The following SGCD variants were observed in gnomAD, a reference collection of about 807,000 sequenced individuals.
The protein encoded by SGCD is delta-sarcoglycan.
Under a neutral mutation model 36.6 loss-of-function variants are expected in SGCD, and 18 were observed. That is an observed-to-expected ratio of 0.49 (90% CI 0.34 to 0.73). The LOEUF (loss-of-function observed/expected upper bound fraction) is 0.73, where lower values mean the gene tolerates loss of function less well. SGCD is among the 30% of genes least tolerant of loss of function. The probability of loss-of-function intolerance (pLI) is 0.01; values close to 1 mark genes in which losing one functional copy is unlikely to be tolerated. For synonymous variants in SGCD, 133 were observed against 130.6 expected (o/e 1.02, Z -0.12); for missense variants, 387 against 346.7 (o/e 1.12, Z -0.92).
intron 1 of SGCD, among the ~76,000 whole-genome samples, chr5:155,873,746 C>T (rs1755706927): frequency 6.6e-6 from 1 of 152,034 alleles, no homozygotes; most frequent in East Asian, 1.9e-4. Flanking sequence ...AAGAGGATAT[C>T]TCTCAAAAAG....
chr5:155,871,176 G>A (rs1032689148), intron 1 of SGCD, among the ~76,000 whole-genome samples: 1 of 152,058 alleles, frequency 6.6e-6, no homozygotes, highest in Non-Finnish European at 1.5e-5. Context: ...TGCTAATCAA[G>A]GTGATATAAC....
chr5:156,449,590 G>T (rs747841195), intron 3 of SGCD, among the ~76,000 whole-genome samples: 1 of 150,974 alleles, frequency 6.6e-6, no homozygotes, highest in Non-Finnish European at 1.5e-5. Context: ...CCAGTACTTT[G>T]GGTGGCGGAA....
At chr5:156,399,804 GAGA>G (rs1036677719) in intron 3 of SGCD, among the ~76,000 whole-genome samples, 3 of 152,138 alleles carry the variant, frequency 2.0e-5, no homozygotes, top group East Asian at 3.9e-4. Context: ...GTACATCCTA[GAGA>G]AGAAGGGATT....
the SGCD span, among the ~76,000 whole-genome samples, chr5:155,833,504 C>A: frequency 6.6e-6 from 1 of 152,182 alleles, no homozygotes; most frequent in African/African-American, 2.4e-5. Context: ...TATGAGGGAC[C>A]CCAACAGATG....
At chr5:156,130,759 T>C (rs1762303732) in intron 3 of SGCD, among the ~76,000 whole-genome samples, 1 of 152,028 alleles carries the variant, frequency 6.6e-6, no homozygotes, top group Non-Finnish European at 1.5e-5. Flanking sequence ...GGAGTTTCGC[T>C]CTTGTCACTC....
chr5:156,732,844 A>G (rs1756149301), intron 7 of SGCD, among the ~76,000 whole-genome samples: 2 of 152,142 alleles, frequency 1.3e-5, no homozygotes, highest in Admixed American at 1.3e-4. Flanking sequence ...CTACAAATTT[A>G]TCTATTCTAG....
chr5:156,233,751 G>T (rs139100713), intron 3 of SGCD, among the ~76,000 whole-genome samples: 4 of 152,226 alleles, frequency 2.6e-5, no homozygotes, highest in Non-Finnish European at 5.9e-5. Context: ...CAGGCAGGGT[G>T]GTGCCTGCCT....
chr5:156,504,392 G>GTATATATATATATATATA lies in SGCD; in HGVS notation c.193-4193_193-4176dup, dbSNP rs59580975. Reference sequence around the variant, plus strand: ...CATGAGTATATGTGGGTGTGTGTGTGTATATATATATATATATATATATAT... The same window carrying GTATATATATATATATATA: ...CATGAGTATATGTGGGTGTGTGTGTGTATATATATATATATATATATATATATATATATATATATATAT... On this transcript the variant is annotated intron_variant, in intron 3 of 8. Coordinates refer to ENST00000337851, the MANE Select transcript of SGCD (RefSeq NM_000337.6). 2.2e-3 allele frequency among the ~76,000 whole-genome samples: 164 copies of GTATATATATATATATATA among 75,016 alleles called. 1 individual carries two copies. Among genetic ancestry groups the GTATATATATATATATATA allele is most frequent in the African/African-American group, 5.4e-3 (141 of 25,880 alleles). 49.2% of individuals were successfully genotyped at this position (75,016 alleles called of 152,430 possible).
At chr5:156,518,498 T>A (rs1757277469) in intron 4 of SGCD, among the ~76,000 whole-genome samples, 1 of 152,156 alleles carries the variant, frequency 6.6e-6, no homozygotes, top group Non-Finnish European at 1.5e-5. Context: ...CTGATAGATA[T>A]CTCCATAACT....
At chr5:155,929,228 G>A (rs1238980200) in intron 1 of SGCD, among the ~76,000 whole-genome samples, 1 of 152,072 alleles carries the variant, frequency 6.6e-6, no homozygotes, top group Admixed American at 6.5e-5. Context: ...TGTGAGTCTG[G>A]AATGATGTCT....
At chr5:156,582,660 T>A (rs1200213407) in intron 4 of SGCD, among the ~76,000 whole-genome samples, 1 of 152,244 alleles carries the variant, frequency 6.6e-6, no homozygotes, top group Admixed American at 6.5e-5. Flanking sequence ...TTTGCTACAT[T>A]TCAGGAAGCT....
At chr5:156,465,439 T>G (rs1754680676) in intron 3 of SGCD, among the ~76,000 whole-genome samples, 1 of 152,208 alleles carries the variant, frequency 6.6e-6, no homozygotes, top group Non-Finnish European at 1.5e-5. Context: ...CGTTCTACAG[T>G]TACTTCTGGT....
At chr5:156,414,836 G>T (rs1407659232) in intron 3 of SGCD, among the ~76,000 whole-genome samples, 2 of 152,152 alleles carry the variant, frequency 1.3e-5, no homozygotes, top group East Asian at 3.8e-4. Context: ...TCTAGCATTT[G>T]GTATGTTACA....
intron 7 of SGCD, among the ~76,000 whole-genome samples, chr5:156,751,378 G>C (rs1757144333): frequency 2.0e-5 from 3 of 152,138 alleles, no homozygotes; most frequent in Admixed American, 2.0e-4. Flanking sequence ...AAACAATATA[G>C]AAGAGCTTCA....
At chr5:156,326,048 A>C (rs10058119), upstream of SGCD, among the ~76,000 whole-genome samples, 66,533 of 152,062 alleles carry the variant, frequency 0.44, 14,854 homozygotes, top group East Asian at 0.79. Context: ...GTAAAATGTT[A>C]ATACCAAAAA....
At chr5:155,751,117 C>T in the SGCD span, among the ~76,000 whole-genome samples, 1 of 152,086 alleles carries the variant, frequency 6.6e-6, no homozygotes, top group African/African-American at 2.4e-5. Context: ...AATACAACTA[C>T]CAAATATTTT....
At chr5:156,362,333 G>A (rs891693549) in intron 3 of SGCD, among the ~76,000 whole-genome samples, 2 of 152,234 alleles carry the variant, frequency 1.3e-5, no homozygotes, top group African/African-American at 4.8e-5. Flanking sequence ...AATAAAGGTT[G>A]AGTGTTCAAA....
intron 6 of SGCD, among the ~76,000 whole-genome samples, chr5:156,637,903 A>G (rs1762891195): frequency 6.6e-6 from 1 of 151,890 alleles, no homozygotes; most frequent in African/African-American, 2.4e-5. Flanking sequence ...CTTTGTCCAG[A>G]TTTCTACTTG....
chr5:156,189,719 T>C (rs1561557586), intron 3 of SGCD, among the ~76,000 whole-genome samples: 1 of 152,164 alleles, frequency 6.6e-6, no homozygotes, highest in Non-Finnish European at 1.5e-5. Flanking sequence ...CATTGAACTT[T>C]CAAAGTCTGT....
Sources: allele counts gnomAD v4.1 joint callset (sites outside exome capture counted in the v4.1 genomes callset), GRCh38; gene constraint gnomAD v4.1.1; transcripts MANE v1.5; gene names NCBI Gene and HGNC (gene_info 2026-07-23, HGNC 2026-07-21).